The following PDE11A variants were observed in gnomAD, a reference collection of about 807,000 sequenced individuals.
PDE11A encodes the protein dual 3',5'-cyclic-AMP and -GMP phosphodiesterase 11A.
A neutral mutation model predicts 100.5 loss-of-function variants in PDE11A; 100 were observed. The ratio of observed to expected loss-of-function variants is 1.00; its 90% CI spans 0.85 to 1.18. The LOEUF is 1.18. Among genes scored for constraint, PDE11A ranks in the 50% most tolerant of loss-of-function variants. The pLI is 0.00. For missense variants in PDE11A, 1,141 were observed against 1,152.6 expected, an observed-to-expected ratio of 0.99 and a Z score of 0.15; for synonymous variants, 381 against 420.8, an observed-to-expected ratio of 0.91 and a Z score of 1.16.
At chr2:177,719,532 G>A (rs886514548) in intron 12 of PDE11A, among the ~76,000 whole-genome samples, 17 of 152,012 alleles carry the variant, frequency 1.1e-4, no homozygotes, top group African/African-American at 3.6e-4. Flanking sequence ...GAAAAAGTAC[G>A]GCTCAGACAA....
chr2:177,802,608 T>C (rs992244154), intron 9 of PDE11A, among the ~76,000 whole-genome samples: 1 of 152,020 alleles, frequency 6.6e-6, no homozygotes, highest in Non-Finnish European at 1.5e-5. Context: ...AGAGTACATA[T>C]TGTATAACTG....
chr2:177,702,903 T>C (rs1466513516), intron 13 of PDE11A, among the ~76,000 whole-genome samples: 1 of 152,210 alleles, frequency 6.6e-6, no homozygotes, highest in Non-Finnish European at 1.5e-5. Context: ...AAGTGAAGAT[T>C]TGCTAGGCGA....
chr2:177,764,051 T>C (rs932994058), intron 10 of PDE11A, among the ~76,000 whole-genome samples: 2 of 152,154 alleles, frequency 1.3e-5, no homozygotes, highest in African/African-American at 4.8e-5. Flanking sequence ...GATTAAAGTG[T>C]CTTATCAAAT....
chr2:177,710,928 G>A lies in PDE11A; in HGVS notation c.2153+841C>T, dbSNP rs183673598. ...CATCTGAAGTTAATCTTACCTCTTC[G>A]TTGAGGCCTTCTCTACTTTCCCTAC... On this transcript the variant is annotated intron_variant, in intron 13 of 19. Coordinates refer to ENST00000286063, the MANE Select transcript of PDE11A (RefSeq NM_016953.4). Among the ~76,000 whole-genome samples, 5 of 152,292 alleles carry A rather than the reference G, an allele frequency of 3.3e-5. No individual in the cohort carries two copies. In the East Asian group the frequency reaches 7.7e-4, roughly 24 times the overall value.
At chr2:178,032,440 C>T (rs2086560385) in intron 1 of PDE11A, among the ~76,000 whole-genome samples, 1 of 150,718 alleles carries the variant, frequency 6.6e-6, no homozygotes, top group African/African-American at 2.4e-5. Flanking sequence ...ACCAAGATCG[C>T]ATCACCGCAC....
chr2:178,061,101 A>C (rs2086963547), intron 1 of PDE11A, among the ~76,000 whole-genome samples: 2 of 151,772 alleles, frequency 1.3e-5, no homozygotes, highest in Non-Finnish European at 2.9e-5. Flanking sequence ...GTGCCACCAC[A>C]CTTGGGTAAT....
rs3813254 is a variant in PDE11A, at chr2:177,890,932, A to G, written c.1302+7126T>C. 3.9e-5 allele frequency among the ~76,000 whole-genome samples: 6 copies of G among 152,340 alleles called. No homozygotes were observed. In the East Asian group the frequency reaches 9.6e-4, roughly 24 times the overall value. On this transcript the variant is annotated intron_variant, in intron 4 of 19. Transcript: ENST00000286063. ...CCCTTTATTATTCACCTAAAATTAT[A>G]TCAAAGACATTGTTTCTATGAATAT...
At chr2:177,835,447 GA>G (rs1158699299) in intron 6 of PDE11A, among the ~76,000 whole-genome samples, 1 of 152,174 alleles carries the variant, frequency 6.6e-6, no homozygotes, top group Non-Finnish European at 1.5e-5. Context: ...TCCAAACTGG[GA>G]AAAGTTAATT....
intron 1 of PDE11A, among the ~76,000 whole-genome samples, chr2:178,016,691 A>T (rs2086342707): frequency 1.3e-5 from 2 of 152,206 alleles, no homozygotes; most frequent in Admixed American, 1.3e-4. Context: ...CCGAGACTTC[A>T]ATCATGAGTA....
intron 10 of PDE11A, among the ~76,000 whole-genome samples, chr2:177,729,097 T>C (rs1262842503): frequency 6.6e-6 from 1 of 152,154 alleles, no homozygotes; most frequent in African/African-American, 2.4e-5. Context: ...GCCCTGGAGC[T>C]ACTTACTTTG....
chr2:177,648,907 T>C (rs2080263475), intron 19 of PDE11A, among the ~76,000 whole-genome samples: 2 of 151,994 alleles, frequency 1.3e-5, no homozygotes, highest in African/African-American at 4.8e-5. Flanking sequence ...GATAGTGAGC[T>C]CCTATGGATC....
At chr2:177,944,555 T>C (rs2085381174) in intron 2 of PDE11A, among the ~76,000 whole-genome samples, 1 of 152,228 alleles carries the variant, frequency 6.6e-6, no homozygotes, top group Admixed American at 6.5e-5. Flanking sequence ...TTCTTTGCTA[T>C]ACCCAACAAT....
intron 9 of PDE11A, among the ~76,000 whole-genome samples, chr2:177,780,693 T>C (rs2082442227): frequency 6.6e-6 from 1 of 152,248 alleles, no homozygotes; most frequent in Non-Finnish European, 1.5e-5. Context: ...CTCACACTTT[T>C]ATGTTTTGGA....
At chr2:177,661,725 CCT>C (rs2080487811) in intron 19 of PDE11A, among the ~76,000 whole-genome samples, 1 of 152,096 alleles carries the variant, frequency 6.6e-6, no homozygotes, top group South Asian at 2.1e-4. Flanking sequence ...ATTTTCACCC[CCT>C]GTTAAATGAA....
chr2:177,946,061 A>G, intron 2 of PDE11A, among the ~76,000 whole-genome samples: 1 of 118,306 alleles, frequency 8.5e-6, no homozygotes, highest in Non-Finnish European at 1.7e-5. Context: ...TGGGGGGGTC[A>G]GCCCCCCGCC....
chr2:177,746,889 G>A (rs2105472012), intron 10 of PDE11A, among the ~76,000 whole-genome samples: 1 of 152,300 alleles, frequency 6.6e-6, no homozygotes, highest in South Asian at 2.1e-4. Context: ...GATTGACTGG[G>A]ATTATCTAAC....
At chr2:177,838,628 A>G (rs904639397) in intron 6 of PDE11A, among the ~76,000 whole-genome samples, 23 of 152,202 alleles carry the variant, frequency 1.5e-4, no homozygotes, top group African/African-American at 5.3e-4. Flanking sequence ...TGTCCCCAGT[A>G]AAAGGGAGCC....
At chr2:178,047,039 G>T (rs1445928214) in intron 1 of PDE11A, among the ~76,000 whole-genome samples, 1 of 151,612 alleles carries the variant, frequency 6.6e-6, no homozygotes, top group African/African-American at 2.4e-5. Flanking sequence ...AACTTTCTGG[G>T]ATTTTTTTTT....
At chr2:177,928,870 AAT>A (rs918652590) in intron 2 of PDE11A, among the ~76,000 whole-genome samples, 42 of 151,988 alleles carry the variant, frequency 2.8e-4, no homozygotes, top group African/African-American at 9.6e-4. Context: ...CTCAAAAAAA[AAT>A]AAATACATAA....
Sources: allele counts gnomAD v4.1 joint callset (sites outside exome capture counted in the v4.1 genomes callset), GRCh38; gene constraint gnomAD v4.1.1; transcripts MANE v1.5; gene names NCBI Gene and HGNC (gene_info 2026-07-23, HGNC 2026-07-21).